KPNA7: variants seen among roughly 807,000 people sequenced by gnomAD.
KPNA7 encodes importin subunit alpha-8.
In KPNA7, 54 loss-of-function variants were observed where a neutral mutation model predicts 53.7. The observed-to-expected ratio is 1.01, with a 90% CI of 0.81 to 1.26. The LOEUF is 1.26. KPNA7 is among the 50% of genes most tolerant of loss of function. The pLI is 0.00. For synonymous variants in KPNA7, 276 were observed against 259.3 expected, an observed-to-expected ratio of 1.06 and a Z score of -0.62; for missense variants, 640 against 644.5, an observed-to-expected ratio of 0.99 and a Z score of 0.07.
At chr7:99,156,059 C>T in the KPNA7 span, among the ~76,000 whole-genome samples, 1 of 152,088 alleles carries the variant, frequency 6.6e-6, no homozygotes. Context: ...ATTCTCATCT[C>T]GGGATTGTTT....
chr7:99,203,153 T>C lies in KPNA7; in HGVS notation c.154A>G (p.Ser52Gly), dbSNP rs1284336075. The C allele has an allele frequency of 6.4e-7, 1 of 1,551,554 alleles. No individual in the cohort carries two copies. Among genetic ancestry groups the C allele is most frequent in the African/African-American group, 1.4e-5 (1 of 73,036 alleles). The change falls in exon 3 of 11, where the codon AGC (serine) becomes GGC (glycine). Residue 52 changes from serine to glycine, a missense_variant. By Grantham distance (56) the Ser-to-Gly change is moderately conservative. Coordinates refer to ENST00000327442, the MANE Select transcript of KPNA7 (RefSeq NM_001145715.3). ...TCAGAAGGTGTGTCAGGGCAGAAGC[T>C]CGTGATATTCCTTCTCTTTAAGGTC... Reference protein sequence around the residue: ...EQTLKRRNITSFCPDTPSEKT... With the variant: ...EQTLKRRNITGFCPDTPSEKT...
intron 3 of KPNA7, 119 bp from the exon 4 acceptor site, chr7:99,196,285 G>T: frequency 4.4e-6 from 3 of 681,644 alleles, no homozygotes; most frequent in Non-Finnish European, 7.8e-6. Context: ...GTCCCATCTT[G>T]CATGCTGTTC....
intron 1 of KPNA7, among the ~76,000 whole-genome samples, chr7:99,217,240 G>A (rs962469650): frequency 1.3e-5 from 2 of 152,188 alleles, no homozygotes; most frequent in Non-Finnish European, 2.9e-5. Context: ...GGCTGCAGCT[G>A]CACAGGCACT....
the KPNA7 span, among the ~76,000 whole-genome samples, chr7:99,163,762 T>C: frequency 2.6e-5 from 4 of 152,088 alleles, no homozygotes; most frequent in Non-Finnish European, 4.4e-5. Context: ...TTATATACTG[T>C]CTCTATTTTG....
At chr7:99,158,227 C>T in the KPNA7 span, among the ~76,000 whole-genome samples, 4 of 152,052 alleles carry the variant, frequency 2.6e-5, no homozygotes, top group Non-Finnish European at 4.4e-5. Context: ...CAATGATATG[C>T]TTTGGCATAA....
rs371140473 is a variant in KPNA7 at position 99,195,115 on chromosome 7, C to T, written c.508G>A (p.Val170Met). Residue 170 changes from valine to methionine, a missense_variant, in exon 5 of 11, where the codon GTG becomes ATG. Physicochemically the swap from Val to Met is conservative, Grantham distance 21 (BLOSUM62 1). Transcript: ENST00000327442. Reference protein sequence around the residue: ...PLIELLSSSNVAVCEQAVWAL... With the variant: ...PLIELLSSSNMAVCEQAVWAL... ...CACACTGCCTGTTCACACACAGCCA[C>T]GTTGGAGGAAGACAGGAGCTCAATC... 7.5e-5 allele frequency: 116 copies of T among 1,551,630 alleles called. No homozygotes were observed. The highest frequency in any genetic ancestry group is 1.7e-4 in the Middle Eastern group (1 of 5,992).
intron 1 of KPNA7, among the ~76,000 whole-genome samples, chr7:99,216,495 T>C (rs2150790801): frequency 6.6e-6 from 1 of 152,216 alleles, no homozygotes. Flanking sequence ...GTGTGACAGG[T>C]ACCAGAGGCC....
intron 3 of KPNA7, among the ~76,000 whole-genome samples, chr7:99,201,641 C>T (rs1354364693): frequency 2.2e-4 from 33 of 147,376 alleles, no homozygotes; most frequent in Admixed American, 1.0e-3. Flanking sequence ...CCAGCCTGGG[C>T]GACAGAGTGA....
At chr7:99,188,185 A>AC (rs1426429075) in intron 7 of KPNA7, 115 bp downstream of exon 7, 53 of 953,432 alleles carry the variant, frequency 5.6e-5, no homozygotes, top group Non-Finnish European at 6.6e-5. Flanking sequence ...AAAAAAAAAA[A>AC]AAAAAAAAAA....
the KPNA7 span, among the ~76,000 whole-genome samples, chr7:99,161,231 CTCTCTCTCTCTCTCTCTCTCTCTCT>C: frequency 1.2e-3 from 2 of 1,624 alleles, no homozygotes; most frequent in Non-Finnish European, 4.6e-3. Flanking sequence ...AACTCTCTCT[CTCTCTCTCTCTCTCTCTCTCTCTCT>C]CTCTCTCTCT....
chr7:99,194,219 C>T (rs545005382), intron 5 of KPNA7, among the ~76,000 whole-genome samples: 1 of 152,258 alleles, frequency 6.6e-6, no homozygotes, highest in African/African-American at 2.4e-5. Flanking sequence ...TGGGGGCTTC[C>T]GACCCTACAG....
At position 99,190,056 on chromosome 7, in the gene KPNA7, C is replaced by A. The variant is rs553733119; in HGVS notation, c.637-1493G>T. ...AGCCCTTTCTTTTTGAAGGAGCTCT[C>A]GGCTGGGCGTGGTGGCTCACACCTG... On this transcript the variant is annotated intron_variant, in intron 6 of 10. Coordinates refer to ENST00000327442, the MANE Select transcript of KPNA7 (RefSeq NM_001145715.3). 2.2e-4 allele frequency among the ~76,000 whole-genome samples: 34 copies of A among 151,354 alleles called. 1 individual carries two copies. Among genetic ancestry groups the A allele is most frequent in the Non-Finnish European group, 1.5e-4 (10 of 67,858 alleles).
intron 7 of KPNA7, among the ~76,000 whole-genome samples, chr7:99,185,838 T>G (rs1322049238): frequency 1.3e-5 from 2 of 152,172 alleles, no homozygotes; most frequent in African/African-American, 4.8e-5. Context: ...TCACCCAGAC[T>G]GGAGTATAGT....
At chr7:99,191,473 G>A (rs1437128855) in intron 6 of KPNA7, among the ~76,000 whole-genome samples, 2 of 152,056 alleles carry the variant, frequency 1.3e-5, no homozygotes, top group Non-Finnish European at 2.9e-5. Flanking sequence ...CAACCAGAAG[G>A]GCCTTTCTGA....
At chr7:99,173,849 T>C (rs1476643776) in intron 10 of KPNA7, 55 bp from the exon 11 acceptor site, 7 of 1,082,304 alleles carry the variant, frequency 6.5e-6, no homozygotes, top group Admixed American at 4.3e-5. Flanking sequence ...ACATTATCAC[T>C]GCACATTTGG....
the KPNA7 span, among the ~76,000 whole-genome samples, chr7:99,163,384 T>TATATATATATATATATATATA: frequency 1.7e-4 from 7 of 42,260 alleles, no homozygotes; most frequent in Non-Finnish European, 2.6e-4. Flanking sequence ...TATATATATA[T>TATATATATATATATATATATA]TTTTTTTTTT....
rs189686310 is a variant in KPNA7, at chr7:99,194,665, G to C, written c.553+405C>G. On this transcript the variant is annotated intron_variant, in intron 5 of 10. Transcript: ENST00000327442. ...GTTGCCCACACTGGAGTACAGTGGC[G>C]TTATCTTGGTTCACTGCAACTTCCT... Among the ~76,000 whole-genome samples, 20 of 152,176 alleles carry C rather than the reference G, an allele frequency of 1.3e-4. 1 individual carries two copies. In the East Asian group the frequency reaches 3.9e-3, roughly 29 times the overall value.
downstream of KPNA7, among the ~76,000 whole-genome samples, chr7:99,170,680 G>A (rs1481705093): frequency 2.0e-5 from 3 of 152,128 alleles, no homozygotes; most frequent in Admixed American, 1.3e-4. Flanking sequence ...AGACTGCAAG[G>A]CTGATACTTG....
At chr7:99,207,613 C>CCTTTTTTTT (rs1790883642) in intron 1 of KPNA7, 124 bp from the exon 2 acceptor site, 1 of 118,210 alleles carries the variant, frequency 8.5e-6, no homozygotes, top group African/African-American at 6.5e-5. Context: ...AGGAAGCTAG[C>CCTTTTTTTT]TTTTTTTTTT....
Sources: allele counts gnomAD v4.1 joint callset (sites outside exome capture counted in the v4.1 genomes callset), GRCh38; gene constraint gnomAD v4.1.1; transcripts MANE v1.5; gene names NCBI Gene and HGNC (gene_info 2026-07-23, HGNC 2026-07-21).